The following DPP10 variants were observed in gnomAD, a reference collection of about 807,000 sequenced individuals.
The protein encoded by DPP10 is inactive dipeptidyl peptidase 10.
DPP10 carries 33 observed loss-of-function variants against 120.9 expected under a neutral mutation model. The observed-to-expected ratio is 0.27, with a 90% CI of 0.21 to 0.37. The LOEUF (loss-of-function observed/expected upper bound fraction) is 0.37. DPP10 is among the 10% of genes least tolerant of loss of function. DPP10 has a pLI of 1.00. For missense variants in DPP10, 816 were observed against 942.8 expected (o/e 0.87, Z 1.76); for synonymous variants, 337 against 326.1 (o/e 1.03, Z -0.36).
chr2:115,094,515 G>C (rs1020318887), intron 1 of DPP10, among the ~76,000 whole-genome samples: 2 of 152,106 alleles, frequency 1.3e-5, no homozygotes, highest in Non-Finnish European at 2.9e-5. Context: ...AAAATGAAAG[G>C]TACAGGTGAT....
At chr2:115,753,784 T>G (rs1019786248) in intron 11 of DPP10, among the ~76,000 whole-genome samples, 1 of 152,206 alleles carries the variant, frequency 6.6e-6, no homozygotes, top group African/African-American at 2.4e-5. Flanking sequence ...GAAATCAGGT[T>G]ATATTTCAAT....
intron 1 of DPP10, among the ~76,000 whole-genome samples, chr2:114,551,969 C>T (rs987511844): frequency 1.1e-4 from 17 of 152,178 alleles, no homozygotes; most frequent in Admixed American, 1.1e-3. Context: ...GGTACCCACT[C>T]TATGAAAAAG....
At chr2:114,600,006 A>AT (rs1298992961) in intron 1 of DPP10, among the ~76,000 whole-genome samples, 5 of 151,062 alleles carry the variant, frequency 3.3e-5, no homozygotes, top group Admixed American at 2.6e-4. Context: ...TCTAGGGTCT[A>AT]TTTTTTTAAT....
chr2:115,213,267 T>C (rs1460032918), intron 1 of DPP10, among the ~76,000 whole-genome samples: 1 of 152,168 alleles, frequency 6.6e-6, no homozygotes. Flanking sequence ...TAGAGTAGGA[T>C]GCAACAGTGT....
intron 5 of DPP10, among the ~76,000 whole-genome samples, chr2:115,542,052 C>A (rs1421870268): frequency 6.6e-6 from 1 of 151,904 alleles, no homozygotes; most frequent in African/African-American, 2.4e-5. Context: ...AATTGACTAG[C>A]ATAACATAAT....
chr2:114,485,030 G>C (rs1049008186), intron 1 of DPP10, among the ~76,000 whole-genome samples: 1 of 151,758 alleles, frequency 6.6e-6, no homozygotes, highest in Non-Finnish European at 1.5e-5. Context: ...AAACTGAGGA[G>C]AGAAACTAGA....
At chr2:114,824,354 T>A in intron 1 of DPP10, among the ~76,000 whole-genome samples, 1 of 152,182 alleles carries the variant, frequency 6.6e-6, no homozygotes, top group Non-Finnish European at 1.5e-5. Context: ...CTTTGAAATA[T>A]TGAGAGAAAA....
intron 5 of DPP10, among the ~76,000 whole-genome samples, chr2:115,545,936 A>T (rs957247199): frequency 6.6e-6 from 1 of 151,990 alleles, no homozygotes; most frequent in Admixed American, 6.6e-5. Flanking sequence ...CCTTTATTTA[A>T]TGTTTTCATC....
chr2:114,536,630 C>G (rs562719898), intron 1 of DPP10, among the ~76,000 whole-genome samples: 3 of 152,086 alleles, frequency 2.0e-5, no homozygotes, highest in African/African-American at 7.2e-5. Context: ...TGGTCTCGAT[C>G]TCCTGACCTT....
chr2:115,558,082 G>A (rs941268662), intron 5 of DPP10, among the ~76,000 whole-genome samples: 1 of 152,106 alleles, frequency 6.6e-6, no homozygotes, highest in South Asian at 2.1e-4. Flanking sequence ...GTGTGTTTAT[G>A]TGTGTTCTCT....
chr2:114,631,586 C>G (rs1694929797), intron 1 of DPP10, among the ~76,000 whole-genome samples: 1 of 152,172 alleles, frequency 6.6e-6, no homozygotes, highest in African/African-American at 2.4e-5. Context: ...AGAAAACTCA[C>G]AGGGCCTGCC....
At chr2:115,676,627 G>A (rs2090285496) in intron 5 of DPP10, among the ~76,000 whole-genome samples, 1 of 152,106 alleles carries the variant, frequency 6.6e-6, no homozygotes, top group Non-Finnish European at 1.5e-5. Flanking sequence ...CAGGCCTTTT[G>A]AGATAAATGC....
chr2:114,874,154 T>A (rs953135242), intron 1 of DPP10, among the ~76,000 whole-genome samples: 4 of 152,134 alleles, frequency 2.6e-5, no homozygotes, highest in Non-Finnish European at 4.4e-5. Context: ...CATGATCACC[T>A]AATTCAGCTT....
intron 1 of DPP10, among the ~76,000 whole-genome samples, chr2:114,635,160 C>A (rs1277421439): frequency 6.6e-6 from 1 of 151,074 alleles, no homozygotes; most frequent in African/African-American, 2.4e-5. Context: ...ATAAGATATT[C>A]TTATGCTCCT....
chr2:114,611,832 C>T (rs751048727), intron 1 of DPP10, among the ~76,000 whole-genome samples: 1 of 152,112 alleles, frequency 6.6e-6, no homozygotes, highest in Non-Finnish European at 1.5e-5. Flanking sequence ...GCTTTGGTGA[C>T]TGAAATGATA....
intron 1 of DPP10, among the ~76,000 whole-genome samples, chr2:115,168,115 T>C (rs528816021): frequency 4.6e-5 from 7 of 152,108 alleles, no homozygotes; most frequent in Non-Finnish European, 8.8e-5. Context: ...CCTACTGTTA[T>C]GGGGAGGGGC....
intron 8 of DPP10, among the ~76,000 whole-genome samples, chr2:115,731,378 G>C (rs1292828696): frequency 2.0e-5 from 3 of 149,580 alleles, no homozygotes; most frequent in Non-Finnish European, 3.0e-5. Flanking sequence ...ATTTAACTGG[G>C]TGGGGTGGTG....
intron 1 of DPP10, among the ~76,000 whole-genome samples, chr2:114,945,904 T>C (rs985300209): frequency 1.3e-5 from 2 of 152,164 alleles, no homozygotes; most frequent in African/African-American, 4.8e-5. Context: ...AACAAGATCA[T>C]AATCAATAGT....
At chr2:115,625,662 T>G (rs1184450258) in intron 5 of DPP10, among the ~76,000 whole-genome samples, 4 of 152,140 alleles carry the variant, frequency 2.6e-5, no homozygotes, top group Non-Finnish European at 4.4e-5. Flanking sequence ...TTTTTGTTTC[T>G]ACAACTCCAT....
Sources: allele counts gnomAD v4.1 joint callset (sites outside exome capture counted in the v4.1 genomes callset), GRCh38; gene constraint gnomAD v4.1.1; transcripts MANE v1.5; gene names NCBI Gene and HGNC (gene_info 2026-07-23, HGNC 2026-07-21).